PHYHIPL: variants seen among roughly 807,000 people sequenced by gnomAD.
PHYHIPL encodes the protein phytanoyl-CoA 2-hydroxylase interacting protein like, also known as phytanoyl-CoA hydroxylase-interacting protein-like.
Under a neutral mutation model 33.4 loss-of-function variants are expected in PHYHIPL, and 9 were observed. That is an observed-to-expected ratio of 0.27 (90% confidence interval 0.16 to 0.47). The LOEUF is 0.47. Among genes scored for constraint, PHYHIPL ranks in the 20% least tolerant of loss-of-function variants. The pLI is 0.99. For synonymous variants in PHYHIPL, 153 were observed against 154.1 expected (o/e 0.99, Z 0.05); for missense variants, 365 against 460.7 (o/e 0.79, Z 1.90).
chr10:59,217,904 A>G (rs1839661479), intron 1 of PHYHIPL, among the ~76,000 whole-genome samples: 1 of 152,134 alleles, frequency 6.6e-6, no homozygotes, highest in South Asian at 2.1e-4. Flanking sequence ...GGATTCAGGT[A>G]TGCTGCCAGC....
intron 1 of PHYHIPL, among the ~76,000 whole-genome samples, chr10:59,207,255 C>T (rs1393133508): frequency 2.0e-5 from 3 of 152,110 alleles, no homozygotes; most frequent in Non-Finnish European, 2.9e-5. Flanking sequence ...ACTGGTTAGA[C>T]AGTGGGTGCA....
chr10:59,206,400 A>T (rs539869142), intron 1 of PHYHIPL, among the ~76,000 whole-genome samples: 1 of 152,208 alleles, frequency 6.6e-6, no homozygotes, highest in Admixed American at 6.5e-5. Context: ...CCTTCCTATT[A>T]TTTGGAGTTC....
chr10:59,223,626 A>G (rs1163232932), intron 1 of PHYHIPL, among the ~76,000 whole-genome samples: 2 of 152,148 alleles, frequency 1.3e-5, no homozygotes, highest in African/African-American at 4.8e-5. Flanking sequence ...AAATAATAAA[A>G]ATAACTGAGT....
At position 59,176,752 on chromosome 10, in the gene PHYHIPL, C is replaced by G. The variant is rs1838261408; in HGVS notation, c.-102C>G. Reference sequence around the variant, plus strand: ...ATCACCGCGTCCCAGGCCTCCTTCCCTCCCTCTGCCACTCCCCCTCCCTTT... The same window carrying G: ...ATCACCGCGTCCCAGGCCTCCTTCCGTCCCTCTGCCACTCCCCCTCCCTTT... On this transcript the variant is annotated 5_prime_UTR_variant, in exon 1 of 5. Coordinates refer to ENST00000373880, the MANE Select transcript of PHYHIPL (RefSeq NM_032439.4). 1.8e-6 allele frequency: 2 copies of G among 1,090,604 alleles called. No individual in the cohort carries two copies. Among genetic ancestry groups the G allele is most frequent in the Non-Finnish European group, 2.6e-6 (2 of 761,052 alleles). The allele number at this position is 1,090,604 out of a possible 1,614,324, so 67.6% of individuals were successfully genotyped here.
chr10:59,184,495 C>A (rs116741545), intron 1 of PHYHIPL, among the ~76,000 whole-genome samples: 367 of 152,068 alleles, frequency 2.4e-3, no homozygotes, highest in African/African-American at 8.5e-3. Context: ...TGCGATTAGG[C>A]GAGTCAGGCA....
At position 59,207,934 on chromosome 10, in the gene PHYHIPL, A is replaced by G. The variant is rs568375825; in HGVS notation, c.107-26370A>G. ...GCAGCAGCCCCAGTCAGGGGCTTAT[A>G]GGTAAAACTCCCATCTGCCTGGGGC... On this transcript the variant is annotated intron_variant, in intron 1 of 4. Coordinates refer to ENST00000373880, the MANE Select transcript of PHYHIPL (RefSeq NM_032439.4). Among the ~76,000 whole-genome samples the G allele has an allele frequency of 8.6e-5, 13 of 151,448 alleles. No individual in the cohort carries two copies. In the East Asian group the frequency reaches 2.5e-3, roughly 30 times the overall value.
intron 1 of PHYHIPL, among the ~76,000 whole-genome samples, chr10:59,202,346 T>A (rs1466799583): frequency 6.6e-6 from 1 of 152,170 alleles, no homozygotes; most frequent in African/African-American, 2.4e-5. Context: ...TAAAAATGTT[T>A]TAATAAAATT....
In PHYHIPL at chr10:59,237,806, T is replaced by A. The variant is rs116721525; in HGVS notation, c.479-782T>A. Among the ~76,000 whole-genome samples the A allele has an allele frequency of 2.6e-3, 400 of 152,050 alleles. 2 individuals are homozygous for A. The highest frequency in any genetic ancestry group is 9.0e-3 in the African/African-American group (374 of 41,536). On this transcript the variant is annotated intron_variant, in intron 3 of 4. Transcript: ENST00000373880. The stretch of plus-strand genomic sequence containing the variant: ...TACTTACCATAATAAATCATTATTG[T>A]ACATATATTTATCTCTTCTCTTAGA...
At chr10:59,176,375 C>T (rs1273364938), upstream of PHYHIPL, among the ~76,000 whole-genome samples, 1 of 152,158 alleles carries the variant, frequency 6.6e-6, no homozygotes, top group Non-Finnish European at 1.5e-5. Flanking sequence ...GCGAGGCAGC[C>T]GCGCGGCGTA....
chr10:59,226,252 C>G (rs1382889083), intron 1 of PHYHIPL, among the ~76,000 whole-genome samples: 1 of 151,924 alleles, frequency 6.6e-6, no homozygotes, highest in African/African-American at 2.4e-5. Context: ...GGGAGAAACA[C>G]TTAGAATTTT....
At chr10:59,236,760 A>T in intron 3 of PHYHIPL, 103 bp downstream of exon 3, 1 of 1,026,442 alleles carries the variant, frequency 9.7e-7, no homozygotes. Flanking sequence ...TATATGTGAC[A>T]TTGGTCATTT....
chr10:59,178,785 C>G (rs1363527439), intron 1 of PHYHIPL, among the ~76,000 whole-genome samples: 1 of 152,112 alleles, frequency 6.6e-6, no homozygotes, highest in Non-Finnish European at 1.5e-5. Context: ...CTGTGATCCC[C>G]TAGAGGAGTA....
intron 1 of PHYHIPL, among the ~76,000 whole-genome samples, chr10:59,229,532 A>G (rs1840018047): frequency 6.6e-6 from 1 of 152,180 alleles, no homozygotes; most frequent in Admixed American, 6.5e-5. Context: ...TATAGAATAT[A>G]TTTTTAAAAG....
chr10:59,221,735 C>G (rs1839782984), intron 1 of PHYHIPL: 2 of 953,684 alleles, frequency 2.1e-6, no homozygotes, highest in Non-Finnish European at 2.5e-6. Flanking sequence ...CCTGGCTTCT[C>G]ATAAAAGCTC....
At chr10:59,199,823 G>A (rs1158637476) in intron 1 of PHYHIPL, among the ~76,000 whole-genome samples, 3 of 152,134 alleles carry the variant, frequency 2.0e-5, no homozygotes, top group African/African-American at 7.2e-5. Context: ...AAGCAATTGT[G>A]AATGGAATTT....
chr10:59,217,265 A>T (rs190738459), intron 1 of PHYHIPL, among the ~76,000 whole-genome samples: 1 of 152,100 alleles, frequency 6.6e-6, no homozygotes, highest in African/African-American at 2.4e-5. Context: ...GTGCTGATCA[A>T]TTTTTTAAGC....
chr10:59,182,872 G>A (rs1194992612), intron 1 of PHYHIPL, among the ~76,000 whole-genome samples: 2 of 152,058 alleles, frequency 1.3e-5, no homozygotes, highest in Admixed American at 1.3e-4. Flanking sequence ...AGTAACTTCA[G>A]GATTTTAAGT....
intron 1 of PHYHIPL, among the ~76,000 whole-genome samples, chr10:59,225,855 A>C (rs569934949): frequency 6.6e-6 from 1 of 152,256 alleles, no homozygotes; most frequent in Non-Finnish European, 1.5e-5. Flanking sequence ...TGCTAGACCT[A>C]AAAACAAGAA....
chr10:59,175,040 A>G (rs189253135), upstream of PHYHIPL, among the ~76,000 whole-genome samples: 56 of 152,246 alleles, frequency 3.7e-4, no homozygotes, highest in African/African-American at 1.2e-3. Flanking sequence ...TAAATTTGAG[A>G]CTACTCTAAA....
Sources: allele counts gnomAD v4.1 joint callset (sites outside exome capture counted in the v4.1 genomes callset), GRCh38; gene constraint gnomAD v4.1.1; transcripts MANE v1.5; gene names NCBI Gene and HGNC (gene_info 2026-07-23, HGNC 2026-07-21).